CLIP2: variants seen among roughly 807,000 people sequenced by gnomAD.
CLIP2 encodes the protein CAP-Gly domain containing linker protein 2.
Under a neutral mutation model 111.7 loss-of-function variants are expected in CLIP2, and 41 were observed. The observed-to-expected ratio is 0.37, with a 90% CI of 0.29 to 0.48. CLIP2 has a LOEUF of 0.48. Ranked by LOEUF, CLIP2 falls within the 20% of genes least tolerant of loss-of-function variation. CLIP2 has a pLI of 0.99. For missense variants in CLIP2, 1,160 were observed against 1,422.1 expected, an observed-to-expected ratio of 0.82 and a Z score of 2.96; for synonymous variants, 660 against 644.2, an observed-to-expected ratio of 1.02 and a Z score of -0.37.
Position 74,346,187 on chromosome 7 carries a change from C to A in CLIP2, c.678+7183C>A, listed in dbSNP as rs547017449. ...TGTAGAGAGGGGTCTTGCTATGTTGCCCAGGCTGGTCTTGAACTCCTGGGC... is the reference window on the plus strand; with the variant it reads ...TGTAGAGAGGGGTCTTGCTATGTTGACCAGGCTGGTCTTGAACTCCTGGGC... On this transcript the variant is annotated intron_variant, in intron 3 of 16. Transcript: ENST00000223398. 9.2e-5 allele frequency among the ~76,000 whole-genome samples: 14 copies of A among 152,102 alleles called. No individual in the cohort carries two copies. The South Asian group carries it at 2.7e-3, about 29-fold the overall frequency.
rs375339633 is a variant in CLIP2 at position 74,333,246 on chromosome 7, C to T, written c.122-5202C>T. Among the ~76,000 whole-genome samples, 15 of 147,016 alleles carry T rather than the reference C, an allele frequency of 1.0e-4. No individual in the cohort carries two copies. In the South Asian group the frequency reaches 3.3e-3, roughly 32 times the overall value. ...TCGCCCAGGCTGGAATGCAGTGATG[C>T]GATTTCAGCTCACTGAAACCTCCGT... On this transcript the variant is annotated intron_variant, in intron 2 of 16. Coordinates refer to ENST00000223398, the MANE Select transcript of CLIP2 (RefSeq NM_003388.5).
chr7:74,390,753 G>T (rs1291147341), intron 13 of CLIP2, among the ~76,000 whole-genome samples: 1 of 141,240 alleles, frequency 7.1e-6, no homozygotes, highest in Non-Finnish European at 1.5e-5. Flanking sequence ...CGGGGTGGGG[G>T]GGGTGGGTGG....
In CLIP2 at chr7:74,380,783, C is replaced by A. The variant is rs373569412; in HGVS notation, c.2422-23C>A. 6 of 1,597,290 alleles carry A rather than the reference C, an allele frequency of 3.8e-6. No individual in the cohort carries two copies. In the African/African-American group the frequency reaches 6.7e-5, roughly 18 times the overall value. On this transcript the variant is annotated intron_variant, in intron 10 of 16. Transcript: ENST00000223398. ...GCCAAGGGGCAGAGGTGAGCATCCC[C>A]CTTACAGGGGCTCTTTTTGCAGATG... is the stretch of plus-strand genomic sequence containing the variant.
rs1380889993 is a variant in CLIP2, at chr7:74,289,566, G to A, written c.-236G>A. On this transcript the variant is annotated 5_prime_UTR_variant, in exon 1 of 17. Transcript: ENST00000223398. ...AGACGTGGCGCGAGGCCCGGGCCCT[G>A]AGCACCTATCGCGGGGATCCCCGGC... 6.6e-6 allele frequency: 1 copy of A among 151,728 alleles called. No homozygotes were observed. The highest frequency in any genetic ancestry group is 6.6e-5 in the Admixed American group (1 of 15,236). The allele number at this position is 151,728 out of a possible 1,614,324, so 9.4% of individuals were successfully genotyped here.
chr7:74,388,967 T>A, intron 12 of CLIP2, 136 bp from the exon 13 acceptor site: 2 of 1,082,942 alleles, frequency 1.8e-6, no homozygotes, highest in East Asian at 5.3e-5. Flanking sequence ...AAAAAAACCG[T>A]CAAAACTATG....
intron 2 of CLIP2, among the ~76,000 whole-genome samples, chr7:74,319,437 G>A (rs1327596885): frequency 6.6e-6 from 1 of 152,124 alleles, no homozygotes; most frequent in Non-Finnish European, 1.5e-5. Flanking sequence ...GGACTTAGGA[G>A]GCGGAGGCTA....
chr7:74,320,195 C>CAAA (rs34079690), intron 2 of CLIP2, among the ~76,000 whole-genome samples: 2 of 99,244 alleles, frequency 2.0e-5, no homozygotes, highest in African/African-American at 4.7e-5. Context: ...GATTCCATCT[C>CAAA]AAAAAAAAAA....
At chr7:74,354,547 G>A (rs1293361) in intron 4 of CLIP2, among the ~76,000 whole-genome samples, 92,788 of 151,890 alleles carry the variant, frequency 0.61, 29,998 homozygotes, top group Middle Eastern at 0.74. Context: ...CTGGGGAGGC[G>A]TCGGTTGCAG....
rs147484215 is a variant in CLIP2 at position 74,295,162 on chromosome 7, G to A, written c.-68+5428G>A. ...ATTTTTTTGTAGACAGGGTTTCACC[G>A]TGTTGCCCAGGGTGGTCTCAAACCC... On this transcript the variant is annotated intron_variant, in intron 1 of 16. Coordinates refer to ENST00000223398, the MANE Select transcript of CLIP2 (RefSeq NM_003388.5). 1.7e-3 allele frequency among the ~76,000 whole-genome samples: 259 copies of A among 152,182 alleles called. 2 individuals are homozygous for A. The highest frequency in any genetic ancestry group is 4.1e-3 in the African/African-American group (170 of 41,546).
chr7:74,392,148 G>A (rs1165788890), intron 13 of CLIP2, among the ~76,000 whole-genome samples: 15 of 151,860 alleles, frequency 9.9e-5, no homozygotes, highest in African/African-American at 2.7e-4. Context: ...TCAGGAGATC[G>A]AGACCATCCT....
chr7:74,397,322 C>T (rs1469841246), intron 14 of CLIP2, 89 bp downstream of exon 14: 14 of 1,366,186 alleles, frequency 1.0e-5, no homozygotes, highest in African/African-American at 1.4e-5. Context: ...AGACTGGAGA[C>T]CTCCTGGAAT....
intron 2 of CLIP2, among the ~76,000 whole-genome samples, chr7:74,326,549 C>T (rs1564040428): frequency 2.0e-5 from 3 of 151,990 alleles, no homozygotes; most frequent in South Asian, 2.1e-4. Context: ...CACCCTTAGA[C>T]GGGGAGTTGG....
chr7:74,360,697 T>TC (rs1371980971), intron 7 of CLIP2, among the ~76,000 whole-genome samples: 1 of 151,912 alleles, frequency 6.6e-6, no homozygotes. Flanking sequence ...ACCACAGGCG[T>TC]CCCCCACCAC....
At position 74,404,094 on chromosome 7, in the gene CLIP2, C is replaced by T. The variant is rs1791699906; in HGVS notation, c.*246C>T. On this transcript the variant is annotated 3_prime_UTR_variant, in exon 17 of 17. Transcript: ENST00000223398. The stretch of plus-strand genomic sequence containing the variant: ...AGCCCCGGCCTGACCCGGGGACCTT[C>T]AGCCTGGACACCCGGCAGCTTCTGG... The T allele has an allele frequency of 2.0e-6, 1 of 512,044 alleles. No individual in the cohort carries two copies. The highest frequency in any genetic ancestry group is 1.9e-5 in the African/African-American group (1 of 51,918). 31.7% of individuals were successfully genotyped at this position (512,044 alleles called of 1,614,324 possible).
chr7:74,365,339 A>G (rs1283649483), intron 8 of CLIP2, among the ~76,000 whole-genome samples: 1 of 152,148 alleles, frequency 6.6e-6, no homozygotes, highest in Non-Finnish European at 1.5e-5. Flanking sequence ...CAGGCATTTC[A>G]GGGGACTGGA....
intron 5 of CLIP2, 104 bp from the exon 6 acceptor site, chr7:74,357,176 G>T: frequency 1.0e-6 from 1 of 974,618 alleles, no homozygotes; most frequent in Non-Finnish European, 1.6e-6. Context: ...CAAGGCACTT[G>T]GGCTCCCACC....
intron 16 of CLIP2, among the ~76,000 whole-genome samples, chr7:74,402,128 C>T (rs1791639453): frequency 6.6e-6 from 1 of 151,866 alleles, no homozygotes; most frequent in East Asian, 1.9e-4. Context: ...GAGATCAAGA[C>T]CATCCTGGCT....
chr7:74,292,261 C>CCT (rs1788044922), intron 1 of CLIP2, among the ~76,000 whole-genome samples: 1 of 152,010 alleles, frequency 6.6e-6, no homozygotes, highest in Non-Finnish European at 1.5e-5. Flanking sequence ...ACCTCCACTT[C>CCT]CATACACAGG....
intron 3 of CLIP2, among the ~76,000 whole-genome samples, chr7:74,343,809 G>C (rs1789729238): frequency 6.6e-6 from 1 of 151,942 alleles, no homozygotes; most frequent in Non-Finnish European, 1.5e-5. Context: ...AGACTGAGGT[G>C]GGAGGATCAC....
Sources: gnomAD v4.1 joint callset for allele counts (sites outside exome capture counted in the v4.1 genomes callset) on GRCh38, gnomAD v4.1.1 for gene constraint, MANE v1.5 for transcripts, NCBI Gene and HGNC (gene_info 2026-07-23, HGNC 2026-07-21) for gene names.